Variants in FAF1 observed in about 807,000 individuals in gnomAD.
The protein encoded by FAF1 is FAS-associated factor 1.
In FAF1, 25 loss-of-function variants were observed where a neutral mutation model predicts 92.5. The ratio of observed to expected loss-of-function variants is 0.27; its 90% CI spans 0.20 to 0.38. The LOEUF (loss-of-function observed/expected upper bound fraction) is 0.38. Ranked by LOEUF, FAF1 falls within the 10% of genes least tolerant of loss-of-function variation. FAF1 has a pLI of 1.00. For synonymous variants in FAF1, 234 were observed against 273.2 expected (o/e 0.86, Z 1.42); for missense variants, 636 against 793.3 (o/e 0.80, Z 2.38).
chr1:50,561,848 C>CGGAAGGAAGGAAGGAAGGAAGGAAGGAA (rs373578502), intron 13 of FAF1, among the ~76,000 whole-genome samples: 6 of 128,484 alleles, frequency 4.7e-5, no homozygotes, highest in Non-Finnish European at 6.5e-5. Flanking sequence ...GACGGATGGA[C>CGGAAGGAAGGAAGGAAGGAAGGAAGGAA]GGAAGGAAGG....
intron 12 of FAF1, among the ~76,000 whole-genome samples, chr1:50,578,871 G>A: frequency 6.6e-6 from 1 of 152,066 alleles, no homozygotes; most frequent in Non-Finnish European, 1.5e-5. Context: ...CTCTCATGGA[G>A]TTAAACTTTA....
chr1:50,875,176 T>C (rs1557569978), intron 1 of FAF1, among the ~76,000 whole-genome samples: 3 of 152,124 alleles, frequency 2.0e-5, no homozygotes, highest in African/African-American at 7.2e-5. Flanking sequence ...AAGTAATGGT[T>C]TCCAGCTGTC....
In FAF1 at chr1:50,788,105, T is replaced by C; in HGVS notation, c.262A>G (p.Met88Val). 1 of 1,614,064 alleles carries C rather than the reference T, an allele frequency of 6.2e-7. No individual in the cohort carries two copies. The highest frequency in any genetic ancestry group is 8.5e-7 in the Non-Finnish European group (1 of 1,179,960). ...CTTTCTACAATCTGCCTGGATGGCA[T>C]TACAGGTCGAAACGCTGAAGAAGAA... ...SSSSSAFRPV[M>V]PSRQIVERQP... Residue 88 changes from methionine (M) to valine (V), a missense_variant, in exon 4 of 19, where the codon ATG becomes GTG. Transcript: ENST00000396153.
At chr1:50,944,814 T>C (rs1157440175) in intron 1 of FAF1, among the ~76,000 whole-genome samples, 1 of 152,140 alleles carries the variant, frequency 6.6e-6, no homozygotes, top group Non-Finnish European at 1.5e-5. Flanking sequence ...GGGTTGTTAC[T>C]AGGGGGTAAA....
chr1:50,606,648 C>T (rs572598740), intron 8 of FAF1, among the ~76,000 whole-genome samples: 6 of 151,896 alleles, frequency 4.0e-5, no homozygotes, highest in Non-Finnish European at 7.4e-5. Context: ...TATAGGGATG[C>T]GCCACCACAC....
intron 4 of FAF1, among the ~76,000 whole-genome samples, chr1:50,777,623 A>G (rs1370904955): frequency 3.3e-5 from 5 of 152,184 alleles, no homozygotes; most frequent in Non-Finnish European, 7.3e-5. Flanking sequence ...AGAAAATTTG[A>G]TAAGTTTGGA....
intron 7 of FAF1, among the ~76,000 whole-genome samples, chr1:50,656,156 A>G (rs1433412333): frequency 2.0e-5 from 3 of 151,992 alleles, no homozygotes; most frequent in Non-Finnish European, 4.4e-5. Flanking sequence ...ACATGGTGAA[A>G]CCCCATCTTT....
intron 13 of FAF1, among the ~76,000 whole-genome samples, chr1:50,562,092 GA>G (rs1342180265): frequency 3.3e-5 from 5 of 152,144 alleles, no homozygotes; most frequent in Admixed American, 1.3e-4. Flanking sequence ...AGACTTCCCA[GA>G]AGTGATACCT....
intron 9 of FAF1, among the ~76,000 whole-genome samples, chr1:50,595,515 T>C (rs905130754): frequency 2.4e-4 from 37 of 152,246 alleles, no homozygotes; most frequent in African/African-American, 8.4e-4. Flanking sequence ...ATGAATCTAC[T>C]CAACTACACA....
At chr1:50,699,549 CTCTTT>C (rs1657379248) in intron 7 of FAF1, among the ~76,000 whole-genome samples, 1 of 152,034 alleles carries the variant, frequency 6.6e-6, no homozygotes, top group Non-Finnish European at 1.5e-5. Flanking sequence ...ATAAATGGTT[CTCTTT>C]TAAGTGCATT....
At chr1:50,772,573 A>G (rs1660811744) in intron 4 of FAF1, among the ~76,000 whole-genome samples, 1 of 152,224 alleles carries the variant, frequency 6.6e-6, no homozygotes, top group Admixed American at 6.5e-5. Context: ...GCTGGAGGGC[A>G]TTATTCTAAA....
At chr1:50,882,600 T>TTAAATAAATAAA (rs60244087) in intron 1 of FAF1, among the ~76,000 whole-genome samples, 38 of 140,544 alleles carry the variant, frequency 2.7e-4, no homozygotes, top group South Asian at 9.5e-4. Flanking sequence ...AGACTCTGTC[T>TTAAATAAATAAA]TAAATAAATA....
At chr1:50,716,968 T>C (rs190620719) in intron 6 of FAF1, among the ~76,000 whole-genome samples, 27 of 152,298 alleles carry the variant, frequency 1.8e-4, no homozygotes, top group Non-Finnish European at 2.8e-4. Context: ...TAACACTTGC[T>C]GCAAAGGTCC....
intron 12 of FAF1, among the ~76,000 whole-genome samples, chr1:50,574,896 C>CTGTTTTTTTT (rs1558000811): frequency 2.1e-4 from 26 of 122,886 alleles, no homozygotes; most frequent in African/African-American, 7.5e-4. Flanking sequence ...GTTGTATTAA[C>CTGTTTTTTTT]TCTTTTTTTT....
At chr1:50,605,535 G>A (rs899517354) in intron 8 of FAF1, among the ~76,000 whole-genome samples, 2 of 151,720 alleles carry the variant, frequency 1.3e-5, no homozygotes, top group Non-Finnish European at 1.5e-5. Context: ...AGTTATTTCA[G>A]CTCAATCAAG....
chr1:50,907,727 C>G (rs557783521), intron 1 of FAF1, among the ~76,000 whole-genome samples: 3 of 151,810 alleles, frequency 2.0e-5, no homozygotes, highest in Non-Finnish European at 4.4e-5. Context: ...GTGGTGATAT[C>G]CCCTTTATCA....
rs77985870 is a variant in FAF1, at chr1:50,486,145, G to A, written c.1653+4443C>T. On this transcript the variant is annotated intron_variant, in intron 17 of 18. Transcript: ENST00000396153. ...CCATGTTCTTCTGTTTTCCCACTTA[G>A]TAGTCATTAATATTACTTAATATTT... Among the ~76,000 whole-genome samples the A allele has an allele frequency of 2.2e-3, 333 of 152,284 alleles. 2 individuals carry two copies. The highest frequency in any genetic ancestry group is 7.6e-3 in the African/African-American group (315 of 41,564).
chr1:50,788,121 T>TGAA lies in FAF1; in HGVS notation c.243_245dup (p.Ser82dup), dbSNP rs746085267. On this transcript the variant is annotated inframe_insertion, in exon 4 of 19. Coordinates refer to ENST00000396153, the MANE Select transcript of FAF1 (RefSeq NM_007051.3). Reference sequence around the variant, plus strand: ...TGGATGGCATTACAGGTCGAAACGCTGAAGAAGAAGAGGAAGTAGGAGCTG... The same window carrying TGAA: ...TGGATGGCATTACAGGTCGAAACGCTGAAGAAGAAGAAGAGGAAGTAGGAGCTG... The TGAA allele has an allele frequency of 2.5e-6, 4 of 1,614,006 alleles. No individual in the cohort carries two copies. Among genetic ancestry groups the TGAA allele is most frequent in the East Asian group, 4.5e-5 (2 of 44,884 alleles).
At chr1:50,873,223 T>G (rs539396846) in intron 1 of FAF1, among the ~76,000 whole-genome samples, 2 of 152,236 alleles carry the variant, frequency 1.3e-5, no homozygotes, top group African/African-American at 4.8e-5. Context: ...GGCTACATAA[T>G]AGTGTAAATA....
Sources: gnomAD v4.1 joint callset for allele counts (sites outside exome capture counted in the v4.1 genomes callset) on GRCh38, gnomAD v4.1.1 for gene constraint, MANE v1.5 for transcripts, NCBI Gene and HGNC (gene_info 2026-07-23, HGNC 2026-07-21) for gene names.